The following WARS2 variants were observed in gnomAD, a reference collection of about 807,000 sequenced individuals.
The protein encoded by WARS2 is tryptophanyl tRNA synthetase 2, mitochondrial.
Under a neutral mutation model 36.5 loss-of-function variants are expected in WARS2, and 28 were observed. The ratio of observed to expected loss-of-function variants is 0.77; its 90% confidence interval spans 0.57 to 1.05. The LOEUF (loss-of-function observed/expected upper bound fraction) is 1.05, where lower values mean the gene tolerates loss of function less well. Among genes scored for constraint, WARS2 ranks in the 50% least tolerant of loss-of-function variants. WARS2 has a pLI of 0.00. For missense variants in WARS2, 435 were observed against 456.8 expected, an observed-to-expected ratio of 0.95 and a Z score of 0.44; for synonymous variants, 174 against 178.4, an observed-to-expected ratio of 0.98 and a Z score of 0.20.
chr1:119,130,323 C>T (rs1476085046), intron 1 of WARS2, among the ~76,000 whole-genome samples: 1 of 152,174 alleles, frequency 6.6e-6, no homozygotes, highest in East Asian at 1.9e-4. Flanking sequence ...AAAATCTTTT[C>T]ATCTCAATCT....
intron 1 of WARS2, 200 bp downstream of exon 1, chr1:119,140,355 A>G: frequency 4.7e-6 from 2 of 423,888 alleles, no homozygotes; most frequent in Non-Finnish European, 8.1e-6. Flanking sequence ...TTTTCCACCA[A>G]GAAACCTTTA....
intron 2 of WARS2, among the ~76,000 whole-genome samples, chr1:119,057,657 G>A (rs552323777): frequency 1.3e-5 from 2 of 151,954 alleles, no homozygotes; most frequent in East Asian, 4.0e-4. Context: ...AGGCATGGTT[G>A]CAGGTGCCTG....
chr1:119,075,461 T>C (rs943205323), intron 2 of WARS2, among the ~76,000 whole-genome samples: 4 of 152,160 alleles, frequency 2.6e-5, no homozygotes, highest in African/African-American at 9.7e-5. Context: ...ACTCTTTTCG[T>C]TTATCACATA....
At chr1:119,074,402 T>A (rs1459152089) in intron 2 of WARS2, among the ~76,000 whole-genome samples, 1 of 152,226 alleles carries the variant, frequency 6.6e-6, no homozygotes, top group African/African-American at 2.4e-5. Context: ...GTTGATTTAT[T>A]GTTTTTTACA....
intron 1 of WARS2, among the ~76,000 whole-genome samples, chr1:119,077,537 T>A (rs1320998123): frequency 6.6e-6 from 1 of 152,222 alleles, no homozygotes; most frequent in East Asian, 1.9e-4. Flanking sequence ...AAACATACAC[T>A]CTATTTCTAA....
At chr1:119,127,180 T>A (rs1374684457) in intron 1 of WARS2, 5 of 725,606 alleles carry the variant, frequency 6.9e-6, no homozygotes, top group Non-Finnish European at 1.3e-5. Context: ...ATATTGAACA[T>A]AGCAAGTGCT....
At chr1:119,099,199 C>G (rs1557979154) in intron 1 of WARS2, among the ~76,000 whole-genome samples, 1 of 152,134 alleles carries the variant, frequency 6.6e-6, no homozygotes, top group African/African-American at 2.4e-5. Context: ...GACAGCACTG[C>G]ACATACCCCA....
chr1:119,066,405 G>C (rs1435185481), intron 2 of WARS2, among the ~76,000 whole-genome samples: 1 of 150,246 alleles, frequency 6.7e-6, no homozygotes, highest in Non-Finnish European at 1.5e-5. Flanking sequence ...GTGAACCTGG[G>C]AGGCAGAGCT....
At chr1:119,050,261 G>A (rs1488023509) in intron 2 of WARS2, among the ~76,000 whole-genome samples, 2 of 152,046 alleles carry the variant, frequency 1.3e-5, no homozygotes, top group African/African-American at 4.8e-5. Context: ...ACTGACTAAC[G>A]CCCTCACCTT....
chr1:119,058,983 T>C (rs900298042), intron 2 of WARS2, among the ~76,000 whole-genome samples: 1 of 152,148 alleles, frequency 6.6e-6, no homozygotes, highest in African/African-American at 2.4e-5. Context: ...GTTTCCTGAA[T>C]TTTTAATGAT....
At chr1:119,117,339 A>G (rs1330881139) in intron 1 of WARS2, among the ~76,000 whole-genome samples, 1 of 152,156 alleles carries the variant, frequency 6.6e-6, no homozygotes, top group African/African-American at 2.4e-5. Context: ...GTTTGTCTCT[A>G]TCGGCCCTGG....
At position 119,051,831 on chromosome 1, in the gene WARS2, G is replaced by A. The variant is rs748351869; in HGVS notation, c.349-6169C>T. Among the ~76,000 whole-genome samples the A allele has an allele frequency of 1.4e-4, 20 of 147,424 alleles. 1 individual carries two copies. In the South Asian group the frequency reaches 2.6e-3, roughly 19 times the overall value. On this transcript the variant is annotated intron_variant, in intron 2 of 5. Coordinates refer to ENST00000235521, the MANE Select transcript of WARS2 (RefSeq NM_015836.4). ...TGCCCAGGCTGGAGTGTAGTGGCGC[G>A]ATCGGCAACCTCCACCTTCCCAGGC... is the stretch of plus-strand genomic sequence containing the variant.
chr1:119,038,106 C>T (rs770922129), intron 4 of WARS2, among the ~76,000 whole-genome samples: 2 of 152,198 alleles, frequency 1.3e-5, no homozygotes, highest in Non-Finnish European at 2.9e-5. Flanking sequence ...CCCTTCTATG[C>T]TACCTCTTGA....
chr1:119,081,208 T>C (rs1652168377), intron 1 of WARS2, among the ~76,000 whole-genome samples: 1 of 152,206 alleles, frequency 6.6e-6, no homozygotes. Context: ...ACATCCAAAA[T>C]GTGTAATTTC....
chr1:119,032,050 T>C lies in WARS2; in HGVS notation c.*861A>G, dbSNP rs1233107498. On this transcript the variant is annotated 3_prime_UTR_variant, in exon 6 of 6. Transcript: ENST00000235521. ...TGTACTGAATAAACAAGCACTATTC[T>C]TAAGAATAAGGGGTAAGGGTTTTAC... The C allele has an allele frequency of 6.5e-6, 1 of 153,740 alleles. No homozygotes were observed. The highest frequency in any genetic ancestry group is 1.9e-4 in the East Asian group (1 of 5,200). The allele number at this position is 153,740 out of a possible 1,614,324, so 9.5% of individuals were successfully genotyped here.
intron 1 of WARS2, among the ~76,000 whole-genome samples, chr1:119,119,109 C>T (rs184202310): frequency 1.4e-3 from 214 of 152,192 alleles, no homozygotes; most frequent in African/African-American, 5.1e-3. Context: ...GGCCTAAATG[C>T]TCCACTTAAA....
In WARS2 at chr1:119,140,250, C is replaced by T. The variant is rs587758982; in HGVS notation, c.90+305G>A. On this transcript the variant is annotated intron_variant, in intron 1 of 5. Coordinates refer to ENST00000235521, the MANE Select transcript of WARS2 (RefSeq NM_015836.4). ...AAACAACCCGTCTCTGAAAACATCA[C>T]ACGCGGGGTAGGCTCACCGCGTTGC... 52 of 294,032 alleles carry T rather than the reference C, an allele frequency of 1.8e-4. No individual in the cohort carries two copies. The South Asian group carries it at 2.4e-3, about 14-fold the overall frequency. 18.2% of individuals were successfully genotyped at this position (294,032 alleles called of 1,614,324 possible).
At chr1:119,055,521 A>G (rs1214501241) in intron 2 of WARS2, among the ~76,000 whole-genome samples, 1 of 152,190 alleles carries the variant, frequency 6.6e-6, no homozygotes, top group South Asian at 2.1e-4. Flanking sequence ...GCGCACCTAT[A>G]GTCCCAGCTA....
chr1:119,050,048 A>C lies in WARS2; in HGVS notation c.349-4386T>G, dbSNP rs79709837. ...TTTCAGCGTAAAAGCCAGAGTCCTC[A>C]TAACAGCCTGTAAGATGAGGCAAAG... On this transcript the variant is annotated intron_variant, in intron 2 of 5. Transcript: ENST00000235521. Among the ~76,000 whole-genome samples the C allele has an allele frequency of 7.8e-3, 1,189 of 152,314 alleles. 14 individuals carry two copies. Among genetic ancestry groups the C allele is most frequent in the African/African-American group, 0.027 (1,131 of 41,564 alleles).
Sources: gnomAD v4.1 joint callset for allele counts (sites outside exome capture counted in the v4.1 genomes callset) on GRCh38, gnomAD v4.1.1 for gene constraint, MANE v1.5 for transcripts, NCBI Gene and HGNC (gene_info 2026-07-23, HGNC 2026-07-21) for gene names.